The following SPINDOC variants were observed in gnomAD, a reference collection of about 807,000 sequenced individuals.
SPINDOC encodes spindlin interactor and repressor of chromatin-binding protein.
Under a neutral mutation model 30.7 loss-of-function variants are expected in SPINDOC, and 13 were observed. The ratio of observed to expected loss-of-function variants is 0.42; its 90% CI spans 0.28 to 0.67. SPINDOC has a LOEUF of 0.67. Among genes scored for constraint, SPINDOC ranks in the 30% least tolerant of loss-of-function variants. The pLI is 0.22. For missense variants in SPINDOC, 438 were observed against 518.0 expected (o/e 0.85, Z 1.50); for synonymous variants, 228 against 211.4 (o/e 1.08, Z -0.68).
In SPINDOC at chr11:63,813,759, G is replaced by C. The variant is rs757354424; in HGVS notation, c.73G>C (p.Glu25Gln). The C allele has an allele frequency of 5.6e-6, 9 of 1,593,040 alleles. No individual in the cohort carries two copies. The highest frequency in any genetic ancestry group is 1.7e-5 in the Admixed American group (1 of 58,290). ...VTLKCEEGED[E>Q]EEAMVVAVIP... ...GCTGAAATGCGAGGAAGGGGAGGAC[G>C]AGGAGGAGGCCATGGTGGTGGCCGT... The change falls in exon 1 of 6, where the codon GAG (glutamate) becomes CAG (glutamine). Residue 25 changes from glutamate (E) to glutamine (Q), a missense_variant. Around this residue, in one of 3 missense-constraint regions of SPINDOC, gnomAD observed 129 missense variants for 152.7 expected, o/e 0.84. Transcript: ENST00000294244.
chr11:63,826,312 C>T (rs562913864), intron 5 of SPINDOC, among the ~76,000 whole-genome samples: 1 of 152,302 alleles, frequency 6.6e-6, no homozygotes, highest in Admixed American at 6.5e-5. Context: ...CGGCAGTCCT[C>T]AGTCCTCTTT....
rs768655397 is a variant in SPINDOC at position 63,827,083 on chromosome 11, C to T, written c.1090C>T (p.Leu364=). The T allele has an allele frequency of 2.5e-6, 4 of 1,608,414 alleles. No homozygotes were observed. Among genetic ancestry groups the T allele is most frequent in the East Asian group, 4.5e-5 (2 of 44,518 alleles). Residue 364 remains leucine (L), a synonymous_variant, in exon 6 of 6, where the codon CTG becomes TTG. Coordinates refer to ENST00000294244, the MANE Select transcript of SPINDOC (RefSeq NM_138471.3). ...TGACACCTCAGACTGGCCCACAGTT[C>T]TGTCAGAATCCAGCACCACTGTGGC... The part of the protein sequence containing the change: ...AGDTSDWPTV[L]SESSTTVAGK...
rs370012429 is a variant in SPINDOC at position 63,818,100 on chromosome 11, C to T, written c.423C>T (p.Asp141=). Reference sequence around the variant, plus strand: ...GTGAAGGGGTGGCCCTCTTGCAAGACGTGAGAGCTGAGCAGCCGTCCCCAC... The same window carrying T: ...GTGAAGGGGTGGCCCTCTTGCAAGATGTGAGAGCTGAGCAGCCGTCCCCAC... ...AWSEGVALLQ[D]VRAEQPSPPN... is the part of the protein sequence containing the mutation. The change falls in exon 2 of 6, where the codon GAC becomes GAT. Residue 141 remains aspartate, a synonymous_variant. Coordinates refer to ENST00000294244, the MANE Select transcript of SPINDOC (RefSeq NM_138471.3). The surrounding 1 kb of genome is among the most constrained non-coding windows in gnomAD (Gnocchi z 5.3). 1.6e-5 allele frequency: 26 copies of T among 1,613,938 alleles called. No homozygotes were observed. The highest frequency in any genetic ancestry group is 8.9e-5 in the East Asian group (4 of 44,878).
At chr11:63,826,270 GC>G (rs2015653333) in intron 5 of SPINDOC, among the ~76,000 whole-genome samples, 1 of 152,124 alleles carries the variant, frequency 6.6e-6, no homozygotes, top group Admixed American at 6.6e-5. Context: ...CGTCCCTGTT[GC>G]GTGCTCGTTT....
In SPINDOC at chr11:63,818,821, G is replaced by A. The variant is rs144000790; in HGVS notation, c.753G>A (p.Ser251=). 5.1e-5 allele frequency: 82 copies of A among 1,613,788 alleles called. No homozygotes were observed. The African/African-American group carries it at 8.1e-4, about 16-fold the overall frequency. ...DPDPEPPSPD[S]PTETFAAPAE... is the part of the protein sequence containing the mutation. ...TTCCAGAGCCCCCATCGCCAGACTC[G>A]CCCACGGAGACTTTCGCAGCACCAG... The change falls in exon 5 of 6, where the codon TCG becomes TCA. Residue 251 remains serine (S), a synonymous_variant. Coordinates refer to ENST00000294244, the MANE Select transcript of SPINDOC (RefSeq NM_138471.3). This position sits in a 1 kb window ranked among gnomAD's most constrained non-coding sequence, Gnocchi z 5.3.
chr11:63,817,924 C>G lies in SPINDOC; in HGVS notation c.247C>G (p.Pro83Ala). 1 of 1,614,042 alleles carries G rather than the reference C, an allele frequency of 6.2e-7. No homozygotes were observed. Among genetic ancestry groups the G allele is most frequent in the Non-Finnish European group, 8.5e-7 (1 of 1,180,016 alleles). Residue 83 changes from proline (P) to alanine (A), a missense_variant, in exon 2 of 6, where the codon CCA becomes GCA. This residue lies in a region of SPINDOC where 129 missense variants were observed against 152.7 expected (regional missense o/e 0.84). Coordinates refer to ENST00000294244, the MANE Select transcript of SPINDOC (RefSeq NM_138471.3). The part of the protein sequence containing the change: ...WEQEFLVGSS[P>A]GGSGRALCMV... The stretch of plus-strand genomic sequence containing the variant: ...GCAGGAGTTCCTGGTGGGCAGCAGC[C>G]CAGGAGGCAGCGGGCGGGCACTGTG...
chr11:63,824,070 G>A (rs2015595733), intron 5 of SPINDOC, among the ~76,000 whole-genome samples: 2 of 152,038 alleles, frequency 1.3e-5, no homozygotes, highest in Admixed American at 6.6e-5. Flanking sequence ...ACCACGCCTG[G>A]CTAATTTTTT....
At position 63,817,973 on chromosome 11, in the gene SPINDOC, G is replaced by T. The variant is rs116749570; in HGVS notation, c.296G>T (p.Arg99Leu). ...ALCMVCGAEI[R>L]APSADTARSH... Reference sequence around the variant, plus strand: ...TGCATGGTGTGTGGCGCTGAGATCCGGGCACCCTCGGCCGACACAGCTCGC... The same window carrying T: ...TGCATGGTGTGTGGCGCTGAGATCCTGGCACCCTCGGCCGACACAGCTCGC... The change falls in exon 2 of 6, where the codon CGG becomes CTG. Residue 99 changes from arginine to leucine, a missense_variant. Coordinates refer to ENST00000294244, the MANE Select transcript of SPINDOC (RefSeq NM_138471.3). 29 of 1,614,124 alleles carry T rather than the reference G, an allele frequency of 1.8e-5. No individual in the cohort carries two copies. The African/African-American group carries it at 2.0e-4, about 11-fold the overall frequency.
At chr11:63,823,013 C>CT (rs1467390504) in intron 5 of SPINDOC, 30 of 1,049,638 alleles carry the variant, frequency 2.9e-5, no homozygotes, top group African/African-American at 4.9e-5. Flanking sequence ...TTGGAGATGC[C>CT]TGGGAAACCA....
intron 5 of SPINDOC, chr11:63,823,011 G>T: frequency 5.7e-6 from 6 of 1,047,204 alleles, no homozygotes; most frequent in Non-Finnish European, 7.8e-6. Context: ...GGTTGGAGAT[G>T]CCTGGGAAAC....
rs1031155630 is a variant in SPINDOC at position 63,827,329 on chromosome 11, C to T, written c.*190C>T. The T allele has an allele frequency of 9.2e-6, 10 of 1,085,464 alleles. No individual in the cohort carries two copies. Among genetic ancestry groups the T allele is most frequent in the African/African-American group, 3.2e-5 (2 of 63,392 alleles). 67.2% of individuals were successfully genotyped at this position (1,085,464 alleles called of 1,614,324 possible). On this transcript the variant is annotated 3_prime_UTR_variant, in exon 6 of 6. Transcript: ENST00000294244. ...GTCTGTTCCTGGCCAGGCCTGAGGTCGGCGAGGGTGGCTGAGGCTGTTGTG... is the reference window on the plus strand; with the variant it reads ...GTCTGTTCCTGGCCAGGCCTGAGGTTGGCGAGGGTGGCTGAGGCTGTTGTG...
Position 63,813,773 on chromosome 11 carries a change from G to C in SPINDOC, c.87G>C (p.Met29Ile), listed in dbSNP as rs749689292. Residue 29 changes from methionine to isoleucine, a missense_variant, in exon 1 of 6, where the codon ATG (methionine) becomes ATC (isoleucine). Met to Ile is a conservative substitution (Grantham distance 10). This residue lies in a region of SPINDOC where 129 missense variants were observed against 152.7 expected (regional missense o/e 0.84). Coordinates refer to ENST00000294244, the MANE Select transcript of SPINDOC (RefSeq NM_138471.3). ...AAGGGGAGGACGAGGAGGAGGCCAT[G>C]GTGGTGGCCGTAATTCCGCGGCCCG... ...CEEGEDEEEA[M>I]VVAVIPRPEP... The C allele has an allele frequency of 5.7e-6, 9 of 1,591,944 alleles. No individual in the cohort carries two copies. The highest frequency in any genetic ancestry group is 4.3e-6 in the Non-Finnish European group (5 of 1,170,208).
rs771292055 is a variant in SPINDOC at position 63,813,647 on chromosome 11, C to T, written c.-40C>T. The stretch of plus-strand genomic sequence containing the variant: ...TGCCGGCTGCGCGCCGAAGCCTGCG[C>T]GCCAGTCCTCCGGCCACTGCTATCG... On this transcript the variant is annotated 5_prime_UTR_variant, in exon 1 of 6. Coordinates refer to ENST00000294244, the MANE Select transcript of SPINDOC (RefSeq NM_138471.3). 6.0e-6 allele frequency: 9 copies of T among 1,496,976 alleles called. No homozygotes were observed. The East Asian group carries it at 2.0e-4, about 34-fold the overall frequency. The allele number at this position is 1,496,976 out of a possible 1,614,324, so 92.7% of individuals were successfully genotyped here. A position where few individuals can be genotyped will look rare whatever the true frequency, so the allele number is the denominator to read the frequency against.
chr11:63,818,437 G>A lies in SPINDOC; in HGVS notation c.607+72G>A, dbSNP rs1387810229. On this transcript the variant is annotated intron_variant, in intron 3 of 5. Transcript: ENST00000294244. This position sits in a 1 kb window ranked among gnomAD's most constrained non-coding sequence, Gnocchi z 5.3. ...GGGGACAGGGTGAAATACAGGCCCT[G>A]TGTTCTGGGCAGGTATCTTCAGGAG... The A allele has an allele frequency of 1.2e-6, 2 of 1,605,782 alleles. No homozygotes were observed. The highest frequency in any genetic ancestry group is 4.5e-5 in the East Asian group (2 of 44,782).
rs144622050 is a variant in SPINDOC at position 63,821,295 on chromosome 11, G to C, written c.934+2293G>C. Reference sequence around the variant, plus strand: ...GAGTCTTTCTCAGATACTGTCCTGGGTTCCGGCTCATCTGCCTCTTCCCCA... The same window carrying C: ...GAGTCTTTCTCAGATACTGTCCTGGCTTCCGGCTCATCTGCCTCTTCCCCA... On this transcript the variant is annotated intron_variant, in intron 5 of 5. Transcript: ENST00000294244. Among the ~76,000 whole-genome samples the C allele has an allele frequency of 7.1e-3, 1,080 of 152,228 alleles. 8 individuals are homozygous for C. The highest frequency in any genetic ancestry group is 0.021 in the African/African-American group (888 of 41,548).
chr11:63,820,707 C>T (rs376579092), intron 5 of SPINDOC, among the ~76,000 whole-genome samples: 6 of 150,662 alleles, frequency 4.0e-5, no homozygotes, highest in East Asian at 3.9e-4. Context: ...CTGGCTAACA[C>T]GGTGAAACCC....
In SPINDOC at chr11:63,818,677, G is replaced by A. The variant is rs760235788; in HGVS notation, c.733+25G>A. ...GGTGAAGGGGAGGCCCGGGGGAGGCGTGGGCTCTGGCCGCAGTGCTCTGAG... is the reference window on the plus strand; with the variant it reads ...GGTGAAGGGGAGGCCCGGGGGAGGCATGGGCTCTGGCCGCAGTGCTCTGAG... On this transcript the variant is annotated intron_variant, in intron 4 of 5. Transcript: ENST00000294244. This position sits in a 1 kb window ranked among gnomAD's most constrained non-coding sequence, Gnocchi z 5.3. The A allele has an allele frequency of 8.7e-6, 14 of 1,612,834 alleles. No individual in the cohort carries two copies. Among genetic ancestry groups the A allele is most frequent in the South Asian group, 3.3e-5 (3 of 91,028 alleles).
rs1416238003 is a variant in SPINDOC, at chr11:63,813,771, ATGG to A, written c.92_94del (p.Val31del). On this transcript the variant is annotated inframe_deletion, in exon 1 of 6. Transcript: ENST00000294244. ...GGAAGGGGAGGACGAGGAGGAGGCC[ATGG>A]TGGTGGCCGTAATTCCGCGGCCCGA... is the stretch of plus-strand genomic sequence containing the variant. 6.3e-7 allele frequency: 1 copy of A among 1,592,012 alleles called. No homozygotes were observed. The highest frequency in any genetic ancestry group is 8.5e-7 in the Non-Finnish European group (1 of 1,170,536).
chr11:63,827,231 G>C lies in SPINDOC; in HGVS notation c.*92G>C. 6.5e-7 allele frequency: 1 copy of C among 1,537,458 alleles called. No homozygotes were observed. Among genetic ancestry groups the C allele is most frequent in the Non-Finnish European group, 8.8e-7 (1 of 1,142,244 alleles). ...CTGCCTGGCTCACCCACCTGGTGGA[G>C]AGAGTAGAAACAGGTGCCAGGGCAG... On this transcript the variant is annotated 3_prime_UTR_variant, in exon 6 of 6. Coordinates refer to ENST00000294244, the MANE Select transcript of SPINDOC (RefSeq NM_138471.3).
Sources: gnomAD v4.1 joint callset for allele counts (sites outside exome capture counted in the v4.1 genomes callset) on GRCh38, gnomAD v4.1.1 for gene constraint, gnomAD v4.1.1 regional missense constraint, Gnocchi (gnomAD v3.1) non-coding constraint, MANE v1.5 for transcripts, NCBI Gene and HGNC (gene_info 2026-07-23, HGNC 2026-07-21) for gene names.